The following TMEM64 variants were observed in gnomAD, a reference collection of about 807,000 sequenced individuals.
The protein encoded by TMEM64 is transmembrane protein 64.
In TMEM64, 19 loss-of-function variants were observed where a neutral mutation model predicts 24.5. The ratio of observed to expected loss-of-function variants is 0.78; its 90% CI spans 0.54 to 1.14. The LOEUF is 1.14. TMEM64 is among the 50% of genes most tolerant of loss of function. The pLI is 0.00. For synonymous variants in TMEM64, 262 were observed against 224.7 expected (o/e 1.17, Z -1.49); for missense variants, 487 against 493.0 (o/e 0.99, Z 0.12).
intron 1 of TMEM64, among the ~76,000 whole-genome samples, chr8:90,632,118 T>C (rs1335617282): frequency 1.3e-5 from 2 of 152,188 alleles, no homozygotes; most frequent in Non-Finnish European, 2.9e-5. Flanking sequence ...CTGGTGCTGA[T>C]AATTCAATAT....
intron 1 of TMEM64, among the ~76,000 whole-genome samples, chr8:90,635,213 G>C (rs1809498091): frequency 6.6e-6 from 1 of 152,074 alleles, no homozygotes; most frequent in South Asian, 2.1e-4. Context: ...AAAATTAGTT[G>C]TAGAAGTGGA....
At position 90,645,174 on chromosome 8, in the gene TMEM64, C is replaced by G. The variant is rs1156857685; in HGVS notation, c.732G>C (p.Leu244=). 1 of 1,614,154 alleles carries G rather than the reference C, an allele frequency of 6.2e-7. No homozygotes were observed. The highest frequency in any genetic ancestry group is 1.7e-5 in the Admixed American group (1 of 60,028). Residue 244 remains leucine (L), a synonymous_variant, in exon 1 of 3, where the codon CTG becomes CTC. Coordinates refer to ENST00000458549, the MANE Select transcript of TMEM64 (RefSeq NM_001008495.4). This position sits in a 1 kb window ranked among gnomAD's most constrained non-coding sequence, Gnocchi z 4.2. ...TCAGTCTGGCCAGCGCCACCACTTT[C>G]AGGCCGCTTCCTCCCTCCACTACGC... ...VIRVVEGGSG[L]KVVALARLTP...
intron 2 of TMEM64, among the ~76,000 whole-genome samples, chr8:90,628,553 T>C (rs767837197): frequency 2.0e-5 from 3 of 152,160 alleles, no homozygotes; most frequent in Non-Finnish European, 4.4e-5. Context: ...TAAATATCAA[T>C]GTGTCTGGTT....
At chr8:90,633,638 T>A in intron 1 of TMEM64, among the ~76,000 whole-genome samples, 1 of 152,234 alleles carries the variant, frequency 6.6e-6, no homozygotes, top group East Asian at 1.9e-4. Context: ...AACACACCTG[T>A]CAGTATGTGA....
chr8:90,627,585 T>C (rs1809377961), intron 2 of TMEM64, among the ~76,000 whole-genome samples: 1 of 151,960 alleles, frequency 6.6e-6, no homozygotes, highest in South Asian at 2.1e-4. Context: ...GGTCTGAAGC[T>C]ATGGAAAGAG....
At chr8:90,640,487 T>C (rs1809588814) in intron 1 of TMEM64, among the ~76,000 whole-genome samples, 1 of 152,152 alleles carries the variant, frequency 6.6e-6, no homozygotes, top group Non-Finnish European at 1.5e-5. Flanking sequence ...TCTGACCTCA[T>C]CTGTACCCTC....
At chr8:90,636,303 T>C (rs1809516422) in intron 1 of TMEM64, among the ~76,000 whole-genome samples, 1 of 152,230 alleles carries the variant, frequency 6.6e-6, no homozygotes, top group African/African-American at 2.4e-5. Context: ...TTGCCCAGGC[T>C]AGAGTGCAAT....
rs1809294360 is a variant in TMEM64, at chr8:90,622,351, A to G, written c.*3320T>C. Reference sequence around the variant, plus strand: ...AAATCGACCAATCTAAAAATCAGATAGTGTTATACTGAACATCATTCTGAT... The same window carrying G: ...AAATCGACCAATCTAAAAATCAGATGGTGTTATACTGAACATCATTCTGAT... On this transcript the variant is annotated 3_prime_UTR_variant, in exon 3 of 3. Coordinates refer to ENST00000458549, the MANE Select transcript of TMEM64 (RefSeq NM_001008495.4). 6.6e-6 allele frequency: 1 copy of G among 152,234 alleles called. No homozygotes were observed. Among genetic ancestry groups the G allele is most frequent in the South Asian group, 2.1e-4 (1 of 4,836 alleles). 9.4% of individuals were successfully genotyped at this position (152,234 alleles called of 1,614,324 possible).
chr8:90,631,524 A>G, intron 2 of TMEM64, 28 bp downstream of exon 2: 1 of 1,470,036 alleles, frequency 6.8e-7, no homozygotes, highest in Non-Finnish European at 9.1e-7. Context: ...GAGAGAAAAA[A>G]AGAGACAACC....
At chr8:90,638,390 C>T (rs929659080) in intron 1 of TMEM64, among the ~76,000 whole-genome samples, 9 of 152,184 alleles carry the variant, frequency 5.9e-5, no homozygotes, top group East Asian at 3.8e-4. Context: ...AACTCCTACA[C>T]TGTCTTTCAC....
intron 1 of TMEM64, among the ~76,000 whole-genome samples, chr8:90,644,452 G>A (rs4265146): frequency 1.3e-5 from 2 of 152,198 alleles, no homozygotes; most frequent in South Asian, 4.1e-4. Flanking sequence ...TAATGGTGCA[G>A]ATACAGAAGA....
chr8:90,641,572 G>A (rs1172200181), intron 1 of TMEM64, among the ~76,000 whole-genome samples: 1 of 152,142 alleles, frequency 6.6e-6, no homozygotes, highest in Non-Finnish European at 1.5e-5. Context: ...ATGTGTCTGG[G>A]AAATCCAGCT....
At position 90,645,009 on chromosome 8, in the gene TMEM64, C is replaced by A. The variant is rs1186888041; in HGVS notation, c.795+102G>T. 24 of 1,288,150 alleles carry A rather than the reference C, an allele frequency of 1.9e-5. No individual in the cohort carries two copies. Among genetic ancestry groups the A allele is most frequent in the Non-Finnish European group, 2.6e-5 (24 of 926,312 alleles). The allele number at this position is 1,288,150 out of a possible 1,614,324, so 79.8% of individuals were successfully genotyped here. On this transcript the variant is annotated intron_variant, in intron 1 of 2. Coordinates refer to ENST00000458549, the MANE Select transcript of TMEM64 (RefSeq NM_001008495.4). This position sits in a 1 kb window ranked among gnomAD's most constrained non-coding sequence, Gnocchi z 4.2. ...ATCGTAACTCCTGCCGTCAATGTCA[C>A]TTCTCTGCTGGTATTTATCTGATAG...
intron 1 of TMEM64, among the ~76,000 whole-genome samples, chr8:90,636,025 C>T (rs1171225713): frequency 6.6e-6 from 1 of 152,180 alleles, no homozygotes; most frequent in Non-Finnish European, 1.5e-5. Flanking sequence ...GTTGCCCATG[C>T]ATAAACTGCA....
intron 2 of TMEM64, among the ~76,000 whole-genome samples, chr8:90,626,629 C>CTTTTTTTTTTTTTTT (rs34029067): frequency 3.8e-5 from 4 of 105,820 alleles, no homozygotes; most frequent in Non-Finnish European, 7.4e-5. Flanking sequence ...TTTTTTCTTT[C>CTTTTTTTTTTTTTTT]TTTTTTTTTT....
In TMEM64 at chr8:90,626,633, T is replaced by C. The variant is rs978622420; in HGVS notation, c.952-771A>G. ...CTCTGTACTTTTTTTTTCTTTCTTT[T>C]TTTTTTTTTTTTTTTGAGATGGAGT... On this transcript the variant is annotated intron_variant, in intron 2 of 2. Coordinates refer to ENST00000458549, the MANE Select transcript of TMEM64 (RefSeq NM_001008495.4). Among the ~76,000 whole-genome samples, 63 of 145,334 alleles carry C rather than the reference T, an allele frequency of 4.3e-4. 1 individual carries two copies. The highest frequency in any genetic ancestry group is 1.5e-3 in the African/African-American group (59 of 39,280).
intron 1 of TMEM64, among the ~76,000 whole-genome samples, chr8:90,640,324 A>G (rs1414372876): frequency 6.6e-6 from 1 of 152,238 alleles, no homozygotes; most frequent in African/African-American, 2.4e-5. Flanking sequence ...GCACAGAATA[A>G]GAATTAAGAA....
chr8:90,645,256 A>C lies in TMEM64; in HGVS notation c.650T>G (p.Leu217Arg). ...FIAHVVCKRL[L>R]TAWVAARIQS... is the part of the protein sequence containing the mutation. ...GATCCTGGCGGCCACCCAGGCGGTG[A>C]GGAGCCGCTTGCAGACCACATGGGC... The change falls in exon 1 of 3, where the codon CTC becomes CGC. Residue 217 changes from leucine (L) to arginine (R), a missense_variant. Coordinates refer to ENST00000458549, the MANE Select transcript of TMEM64 (RefSeq NM_001008495.4). This position sits in a 1 kb window ranked among gnomAD's most constrained non-coding sequence, Gnocchi z 4.2. The C allele has an allele frequency of 6.2e-7, 1 of 1,612,672 alleles. No individual in the cohort carries two copies. The highest frequency in any genetic ancestry group is 8.5e-7 in the Non-Finnish European group (1 of 1,179,310).
At chr8:90,630,898 A>C (rs1167305470) in intron 2 of TMEM64, among the ~76,000 whole-genome samples, 1 of 152,240 alleles carries the variant, frequency 6.6e-6, no homozygotes, top group Non-Finnish European at 1.5e-5. Context: ...GCAAATTTAA[A>C]GGCTCTAAAG....
Sources: allele counts gnomAD v4.1 joint callset (sites outside exome capture counted in the v4.1 genomes callset), GRCh38; gene constraint gnomAD v4.1.1; non-coding constraint Gnocchi (gnomAD v3.1); transcripts MANE v1.5; gene names NCBI Gene and HGNC (gene_info 2026-07-23, HGNC 2026-07-21).